PTPRD: variants seen among roughly 807,000 people sequenced by gnomAD.
PTPRD encodes the protein receptor-type tyrosine-protein phosphatase delta.
Under a neutral mutation model 214.5 loss-of-function variants are expected in PTPRD, and 34 were observed. The ratio of observed to expected loss-of-function variants is 0.16; its 90% CI spans 0.12 to 0.21. The LOEUF is 0.21. Among genes scored for constraint, PTPRD ranks in the 10% least tolerant of loss-of-function variants. The pLI, the probability that PTPRD is intolerant of heterozygous loss-of-function variation, is 1.00. For synonymous variants in PTPRD, 1,128 were observed against 845.7 expected (o/e 1.33, Z -5.79); for missense variants, 2,545 against 2,398.7 (o/e 1.06, Z -1.27).
At chr9:9,844,095 T>A (rs927862192) in intron 5 of PTPRD, among the ~76,000 whole-genome samples, 13 of 152,076 alleles carry the variant, frequency 8.5e-5, no homozygotes, top group African/African-American at 3.1e-4. Flanking sequence ...GTTAATAAAA[T>A]CCTATATTCT....
intron 34 of PTPRD, among the ~76,000 whole-genome samples, chr9:8,439,726 C>T (rs888434265): frequency 2.6e-5 from 4 of 151,810 alleles, no homozygotes; most frequent in African/African-American, 7.3e-5. Flanking sequence ...GAAACATCTC[C>T]GCTGCCCAAT....
At chr9:10,087,823 C>T (rs777787227) in intron 3 of PTPRD, among the ~76,000 whole-genome samples, 17 of 151,646 alleles carry the variant, frequency 1.1e-4, no homozygotes, top group Non-Finnish European at 1.5e-4. Context: ...GAAAGTATCA[C>T]GGTAACTTCT....
chr9:10,205,396 A>G lies in PTPRD; in HGVS notation c.-545+135567T>C, dbSNP rs1232766348. On this transcript the variant is annotated intron_variant, in intron 3 of 45. Transcript: ENST00000381196. ...ATTTTATTTTATTTTATTTTATTTT[A>G]TTTTATTTTATTTTACTCTATTTTC... Among the ~76,000 whole-genome samples, 7 of 150,650 alleles carry G rather than the reference A, an allele frequency of 4.6e-5. No homozygotes were observed. In the East Asian group the frequency reaches 1.2e-3, roughly 25 times the overall value.
chr9:9,175,740 TC>T (rs1172766833), intron 10 of PTPRD, among the ~76,000 whole-genome samples: 1 of 151,348 alleles, frequency 6.6e-6, no homozygotes, highest in Non-Finnish European at 1.5e-5. Context: ...ATTGTATTAC[TC>T]CATATTTCTA....
At chr9:10,171,578 G>A (rs2099206304) in intron 3 of PTPRD, among the ~76,000 whole-genome samples, 2 of 152,104 alleles carry the variant, frequency 1.3e-5, no homozygotes, top group African/African-American at 4.8e-5. Context: ...AGCCTGGAGT[G>A]CAGCGGCGCA....
chr9:10,117,453 G>A (rs186075205), intron 3 of PTPRD, among the ~76,000 whole-genome samples: 2 of 152,204 alleles, frequency 1.3e-5, no homozygotes, highest in East Asian at 1.9e-4. Flanking sequence ...GAGGCTAGAA[G>A]TACAAAATCA....
intron 5 of PTPRD, among the ~76,000 whole-genome samples, chr9:9,833,255 A>G (rs907239196): frequency 6.6e-6 from 1 of 152,024 alleles, no homozygotes; most frequent in African/African-American, 2.4e-5. Flanking sequence ...AGAGTACAAA[A>G]GAGATAAATT....
intron 2 of PTPRD, among the ~76,000 whole-genome samples, chr9:10,582,591 C>T (rs1267477885): frequency 6.6e-6 from 1 of 152,194 alleles, no homozygotes. Flanking sequence ...TCTGGGATGA[C>T]TAGCCATCTA....
rs922252901 is a variant in PTPRD, at chr9:9,603,506, C to A, written c.-286-28725G>T. The stretch of plus-strand genomic sequence containing the variant: ...GAACCAGTCCTTGGCCTGTCAGGAA[C>A]CAGGCGGCATACCCGGAAGTGAGCA... On this transcript the variant is annotated intron_variant, in intron 7 of 45. Coordinates refer to ENST00000381196, the MANE Select transcript of PTPRD (RefSeq NM_002839.4). Among the ~76,000 whole-genome samples, 6 of 152,134 alleles carry A rather than the reference C, an allele frequency of 3.9e-5. 1 individual carries two copies. Among genetic ancestry groups the A allele is most frequent in the African/African-American group, 1.4e-4 (6 of 41,420 alleles).
chr9:8,537,289 T>C (rs369097305), intron 14 of PTPRD, among the ~76,000 whole-genome samples: 2 of 151,986 alleles, frequency 1.3e-5, no homozygotes, highest in African/African-American at 4.8e-5. Flanking sequence ...ATCATATAGT[T>C]TCTAATTACA....
At chr9:9,705,198 T>G (rs1180034552) in intron 7 of PTPRD, among the ~76,000 whole-genome samples, 1 of 152,224 alleles carries the variant, frequency 6.6e-6, no homozygotes, top group Admixed American at 6.5e-5. Context: ...ATATGACAGA[T>G]AATATTTCAT....
At chr9:9,853,605 G>T (rs1381517557) in intron 5 of PTPRD, among the ~76,000 whole-genome samples, 2 of 151,982 alleles carry the variant, frequency 1.3e-5, no homozygotes, top group Non-Finnish European at 2.9e-5. Context: ...CTGGAGTGCG[G>T]TGGTACTATC....
chr9:8,778,870 G>A (rs1003751375), intron 11 of PTPRD, among the ~76,000 whole-genome samples: 1 of 152,116 alleles, frequency 6.6e-6, no homozygotes, highest in Admixed American at 6.5e-5. Flanking sequence ...AGTAACACAT[G>A]TAAAGAATTT....
intron 11 of PTPRD, among the ~76,000 whole-genome samples, chr9:8,912,376 T>C (rs1322986831): frequency 6.6e-6 from 1 of 151,926 alleles, no homozygotes; most frequent in Non-Finnish European, 1.5e-5. Flanking sequence ...TTCAGAAACA[T>C]GAGAAGTGAA....
At chr9:9,158,687 G>A (rs2099883528) in intron 10 of PTPRD, among the ~76,000 whole-genome samples, 1 of 151,980 alleles carries the variant, frequency 6.6e-6, no homozygotes, top group Non-Finnish European at 1.5e-5. Context: ...GAAGTGGAGG[G>A]AATACTTGTA....
chr9:8,761,437 T>C (rs1485838303), intron 11 of PTPRD, among the ~76,000 whole-genome samples: 1 of 152,218 alleles, frequency 6.6e-6, no homozygotes, highest in East Asian at 1.9e-4. Context: ...TAAAGTGACA[T>C]ACCACACAAT....
intron 3 of PTPRD, among the ~76,000 whole-genome samples, chr9:10,148,711 G>A (rs1420934311): frequency 6.6e-6 from 1 of 152,020 alleles, no homozygotes; most frequent in East Asian, 1.9e-4. Flanking sequence ...AATCACCTAG[G>A]GCCTTTTACC....
chr9:8,959,090 A>T (rs2099146150), intron 11 of PTPRD, among the ~76,000 whole-genome samples: 1 of 152,024 alleles, frequency 6.6e-6, no homozygotes, highest in African/African-American at 2.4e-5. Context: ...CTTTCATATT[A>T]TCTTATTGTG....
chr9:10,493,404 T>C (rs2041004230), intron 2 of PTPRD, among the ~76,000 whole-genome samples: 1 of 152,008 alleles, frequency 6.6e-6, no homozygotes, highest in African/African-American at 2.4e-5. Flanking sequence ...AACAGATATA[T>C]AGACCAATGG....
Sources: allele counts gnomAD v4.1 joint callset (sites outside exome capture counted in the v4.1 genomes callset), GRCh38; gene constraint gnomAD v4.1.1; transcripts MANE v1.5; gene names NCBI Gene and HGNC (gene_info 2026-07-23, HGNC 2026-07-21).